The following COL27A1 variants were observed in gnomAD, a reference collection of about 807,000 sequenced individuals.
The protein encoded by COL27A1 is collagen alpha-1(XXVII) chain.
COL27A1 carries 106 observed loss-of-function variants against 251.3 expected under a neutral mutation model. The ratio of observed to expected loss-of-function variants is 0.42; its 90% CI spans 0.36 to 0.50. The LOEUF is 0.50. COL27A1 is among the 20% of genes least tolerant of loss of function. COL27A1 has a pLI of 0.00. For synonymous variants in COL27A1, 1,000 were observed against 986.3 expected (o/e 1.01, Z -0.26); for missense variants, 2,325 against 2,522.8 (o/e 0.92, Z 1.68).
intron 36 of COL27A1, among the ~76,000 whole-genome samples, chr9:114,275,040 A>G (rs1835402174): frequency 6.8e-6 from 1 of 148,032 alleles, no homozygotes; most frequent in African/African-American, 2.5e-5. Flanking sequence ...AGCCTGGTCA[A>G]TGGTCTCCAA....
In COL27A1 at chr9:114,301,120, C is replaced by T. The variant is rs1174057547; in HGVS notation, c.4750C>T (p.Leu1584Phe). Residue 1584 changes from leucine to phenylalanine, a missense_variant, in exon 52 of 61, where the codon CTC becomes TTC. Transcript: ENST00000356083. ...GPLGILGPSGLPGPKGDKGSR... is the reference protein window; with the variant it reads ...GPLGILGPSGFPGPKGDKGSR... ...CCTCGGAATCCTGGGACCTTCGGGA[C>T]TCCCGGTATGTGTGGGGATTGGACA... 6.2e-7 allele frequency: 1 copy of T among 1,613,610 alleles called. No individual in the cohort carries two copies. Among genetic ancestry groups the T allele is most frequent in the South Asian group, 1.1e-5 (1 of 90,946 alleles).
At chr9:114,277,694 G>A (rs901315241) in intron 37 of COL27A1, among the ~76,000 whole-genome samples, 10 of 152,262 alleles carry the variant, frequency 6.6e-5, no homozygotes, top group South Asian at 2.1e-4. Context: ...ACTCAGCGGC[G>A]GGGAAGTAGG....
chr9:114,160,883 A>G (rs950301744), intron 1 of COL27A1, among the ~76,000 whole-genome samples: 2 of 152,184 alleles, frequency 1.3e-5, no homozygotes, highest in African/African-American at 2.4e-5. Flanking sequence ...AGTAGTGTCT[A>G]CATGATGGGA....
chr9:114,212,747 AC>A (rs1830448381), intron 12 of COL27A1, among the ~76,000 whole-genome samples: 1 of 152,194 alleles, frequency 6.6e-6, no homozygotes, highest in Non-Finnish European at 1.5e-5. Flanking sequence ...GGCTCATAAG[AC>A]CATTGTGCTT....
intron 27 of COL27A1, 72 bp downstream of exon 27, chr9:114,253,004 C>G: frequency 8.2e-7 from 1 of 1,222,406 alleles, no homozygotes. Flanking sequence ...GGTGTGGTGG[C>G]TCACACCTGT....
chr9:114,169,832 C>T (rs1451459699), intron 3 of COL27A1, among the ~76,000 whole-genome samples: 1 of 152,260 alleles, frequency 6.6e-6, no homozygotes, highest in African/African-American at 2.4e-5. Flanking sequence ...AGTGAGTAAG[C>T]AGCTTCCAAA....
At chr9:114,227,911 C>G (rs1333807966) in intron 14 of COL27A1, among the ~76,000 whole-genome samples, 1 of 152,100 alleles carries the variant, frequency 6.6e-6, no homozygotes, top group Non-Finnish European at 1.5e-5. Flanking sequence ...GGGATGCTGG[C>G]CTGGAGTTTT....
In COL27A1 at chr9:114,306,588, C is replaced by T; in HGVS notation, c.5007C>T (p.Leu1669=). Reference sequence around the variant, plus strand: ...AGATCTTTAAAACCTTACACTACCTCAGCAACCTCATCCAGAGCATTAAGA... The same window carrying T: ...AGATCTTTAAAACCTTACACTACCTTAGCAACCTCATCCAGAGCATTAAGA... ...GGEIFKTLHY[L]SNLIQSIKTP... Residue 1669 remains leucine, a synonymous_variant, in exon 58 of 61, where the codon CTC becomes CTT. Transcript: ENST00000356083. 6.2e-7 allele frequency: 1 copy of T among 1,614,138 alleles called. No individual in the cohort carries two copies.
intron 17 of COL27A1, among the ~76,000 whole-genome samples, chr9:114,235,937 A>T (rs1832363481): frequency 6.6e-6 from 1 of 152,062 alleles, no homozygotes; most frequent in Admixed American, 6.5e-5. Context: ...CTCTCCGCTC[A>T]CACACCGTCC....
At chr9:114,166,201 A>G (rs1204514959) in intron 2 of COL27A1, among the ~76,000 whole-genome samples, 2 of 148,162 alleles carry the variant, frequency 1.3e-5, no homozygotes, top group Non-Finnish European at 3.0e-5. Context: ...TTATCTATTC[A>G]TCCATCCATC....
At chr9:114,207,471 C>T (rs1226213216) in intron 10 of COL27A1, among the ~76,000 whole-genome samples, 4 of 152,230 alleles carry the variant, frequency 2.6e-5, no homozygotes, top group African/African-American at 7.2e-5. Flanking sequence ...CAGTCCAGCC[C>T]CAGTCCTGAT....
At chr9:114,302,217 C>A in intron 56 of COL27A1, 109 bp downstream of exon 56, 1 of 872,010 alleles carries the variant, frequency 1.1e-6, no homozygotes, top group South Asian at 1.4e-5. Context: ...TAAGCTGGGT[C>A]TAGGGACGCC....
chr9:114,300,001 T>G, intron 49 of COL27A1, 69 bp from the exon 50 acceptor site: 2 of 1,494,840 alleles, frequency 1.3e-6, no homozygotes, highest in Non-Finnish European at 1.9e-6. Context: ...GGCCCTGAGG[T>G]CCCAGGTGGC....
In COL27A1 at chr9:114,155,791, T is replaced by G. The variant is rs1176097607; in HGVS notation, c.-160T>G. 5 of 420,554 alleles carry G rather than the reference T, an allele frequency of 1.2e-5. No homozygotes were observed. The highest frequency in any genetic ancestry group is 1.6e-5 in the Non-Finnish European group (5 of 315,658). The allele number at this position is 420,554 out of a possible 1,614,324, so 26.1% of individuals were successfully genotyped here. On this transcript the variant is annotated 5_prime_UTR_variant, in exon 1 of 61. Transcript: ENST00000356083. This position sits in a 1 kb window ranked among gnomAD's most constrained non-coding sequence, Gnocchi z 5.5. ...GGCGCCCGCGGGGCCCCAGCCGCGC[T>G]GCCTGCCTGCTCGGGCGCCCCTGGG...
In COL27A1 at chr9:114,292,143, A is replaced by G. The variant is rs1217056868; in HGVS notation, c.4517A>G (p.Lys1506Arg). The G allele has an allele frequency of 1.5e-5, 23 of 1,561,630 alleles. No homozygotes were observed. The highest frequency in any genetic ancestry group is 2.7e-5 in the African/African-American group (2 of 73,478). The part of the protein sequence containing the change: ...GLPGQLGPPG[K>R]RGTEGRTGLP... ...CCCGGACAGCTGGGTCCCCCTGGCAAGCGAGGAACAGAGGGCAGAACGGGG... is the reference window on the plus strand; with the variant it reads ...CCCGGACAGCTGGGTCCCCCTGGCAGGCGAGGAACAGAGGGCAGAACGGGG... Residue 1506 changes from lysine (K) to arginine (R), a missense_variant, in exon 49 of 61, where the codon AAG becomes AGG. Transcript: ENST00000356083.
intron 16 of COL27A1, among the ~76,000 whole-genome samples, chr9:114,234,508 T>C (rs574085277): frequency 5.9e-5 from 9 of 152,162 alleles, no homozygotes; most frequent in South Asian, 4.2e-4. Context: ...CGTGGAGGGC[T>C]GGATAGAGTG....
rs748090537 is a variant in COL27A1 at position 114,300,668 on chromosome 9, G to A, written c.4682G>A (p.Arg1561Gln). Reference sequence around the variant, plus strand: ...GGCTTCAAAGGCATCCAGGGCCCTCGGGGGCCACCTGGCTTGATGGTGAGT... The same window carrying A: ...GGCTTCAAAGGCATCCAGGGCCCTCAGGGGCCACCTGGCTTGATGGTGAGT... ...DIGFKGIQGPRGPPGLMGKEG... is the reference protein window; with the variant it reads ...DIGFKGIQGPQGPPGLMGKEG... The change falls in exon 51 of 61, where the codon CGG becomes CAG. Residue 1561 changes from arginine (R) to glutamine (Q), a missense_variant. By Grantham distance (43) the Arg-to-Gln change is conservative. Around this residue, in one of 4 missense-constraint regions of COL27A1, gnomAD observed 327 missense variants for 442.8 expected, o/e 0.74. Coordinates refer to ENST00000356083, the MANE Select transcript of COL27A1 (RefSeq NM_032888.4). The A allele has an allele frequency of 2.4e-5, 36 of 1,513,110 alleles. 2 individuals carry two copies. The highest frequency in any genetic ancestry group is 1.6e-4 in the African/African-American group (11 of 69,954). 93.7% of individuals were successfully genotyped at this position (1,513,110 alleles called of 1,614,324 possible).
chr9:114,290,298 G>A lies in COL27A1; in HGVS notation c.4335G>A (p.Gly1445=). The stretch of plus-strand genomic sequence containing the variant: ...TCGAGGGCATCGCTGGACCAGATGG[G>A]CTTCCTGGCAGGGACGGGCAAGCAG... ...QGLEGIAGPD[G]LPGRDGQAGQ... The change falls in exon 47 of 61, where the codon GGG becomes GGA. Residue 1445 remains glycine (G), a synonymous_variant. Coordinates refer to ENST00000356083, the MANE Select transcript of COL27A1 (RefSeq NM_032888.4). This position sits in a 1 kb window ranked among gnomAD's most constrained non-coding sequence, Gnocchi z 4.6. 1.3e-6 allele frequency: 2 copies of A among 1,583,636 alleles called. No homozygotes were observed. The highest frequency in any genetic ancestry group is 2.3e-5 in the South Asian group (2 of 86,748).
chr9:114,232,839 A>G (rs925242857), intron 16 of COL27A1, among the ~76,000 whole-genome samples: 10 of 152,210 alleles, frequency 6.6e-5, no homozygotes, highest in Admixed American at 3.3e-4. Context: ...TTGGGAGGCC[A>G]AGGCGGGCGG....
Sources: allele counts gnomAD v4.1 joint callset (sites outside exome capture counted in the v4.1 genomes callset), GRCh38; gene constraint gnomAD v4.1.1; regional missense constraint gnomAD v4.1.1; non-coding constraint Gnocchi (gnomAD v3.1); transcripts MANE v1.5; gene names NCBI Gene and HGNC (gene_info 2026-07-23, HGNC 2026-07-21).